The following MYBL1 variants were observed in gnomAD, a reference collection of about 807,000 sequenced individuals.
MYBL1 encodes the protein MYB proto-oncogene like 1.
A neutral mutation model predicts 96.3 loss-of-function variants in MYBL1; 17 were observed. The observed-to-expected ratio is 0.18, with a 90% CI of 0.12 to 0.26. The LOEUF (loss-of-function observed/expected upper bound fraction) is 0.26, where lower values mean the gene tolerates loss of function less well. Among genes scored for constraint, MYBL1 ranks in the 10% least tolerant of loss-of-function variants. The pLI is 1.00. For synonymous variants in MYBL1, 282 were observed against 292.7 expected (o/e 0.96, Z 0.37); for missense variants, 701 against 882.9 (o/e 0.79, Z 2.61).
chr8:66,569,741 C>T (rs1808656483), intron 12 of MYBL1, among the ~76,000 whole-genome samples: 1 of 152,190 alleles, frequency 6.6e-6, no homozygotes, highest in South Asian at 2.1e-4. Context: ...AGGGCTAAGA[C>T]AGATTAATTC....
chr8:66,564,975 A>G (rs1205713985), intron 15 of MYBL1, 150 bp from the exon 16 acceptor site: 10 of 464,134 alleles, frequency 2.2e-5, no homozygotes, highest in Non-Finnish European at 2.5e-5. Flanking sequence ...GTATTTTTTT[A>G]ATAATAATGT....
At chr8:66,571,991 A>C (rs1397902335) in intron 12 of MYBL1, among the ~76,000 whole-genome samples, 1 of 151,898 alleles carries the variant, frequency 6.6e-6, no homozygotes, top group Non-Finnish European at 1.5e-5. Context: ...TACAAGTTAA[A>C]GAAAAAGGTG....
At chr8:66,567,940 G>C (rs567212052) in intron 12 of MYBL1, among the ~76,000 whole-genome samples, 7 of 151,104 alleles carry the variant, frequency 4.6e-5, no homozygotes, top group African/African-American at 1.7e-4. Context: ...TGTGCACCCC[G>C]GGAGGCTGAG....
intron 12 of MYBL1, among the ~76,000 whole-genome samples, chr8:66,571,364 C>G (rs964442953): frequency 6.6e-6 from 1 of 152,162 alleles, no homozygotes; most frequent in East Asian, 1.9e-4. Context: ...TTAATTACAT[C>G]ATCTCTTTCA....
At chr8:66,574,524 G>C (rs1158358145) in intron 10 of MYBL1, among the ~76,000 whole-genome samples, 1 of 152,212 alleles carries the variant, frequency 6.6e-6, no homozygotes, top group African/African-American at 2.4e-5. Flanking sequence ...TGTTCTGCCA[G>C]ATCCTGCTTA....
At chr8:66,565,911 C>A (rs1220804005) in intron 15 of MYBL1, among the ~76,000 whole-genome samples, 153 bp downstream of exon 15, 1 of 152,006 alleles carries the variant, frequency 6.6e-6, no homozygotes, top group Non-Finnish European at 1.5e-5. Flanking sequence ...CGCTCAAACC[C>A]AAATGTGAGT....
chr8:66,583,866 C>A (rs1809310376), intron 8 of MYBL1, among the ~76,000 whole-genome samples: 1 of 152,144 alleles, frequency 6.6e-6, no homozygotes, highest in Non-Finnish European at 1.5e-5. Context: ...GGCTTCATTG[C>A]AGAATTCTAC....
intron 6 of MYBL1, among the ~76,000 whole-genome samples, chr8:66,595,258 A>G (rs1355757592): frequency 1.3e-5 from 2 of 152,180 alleles, no homozygotes; most frequent in African/African-American, 4.8e-5. Flanking sequence ...AAGCAATACT[A>G]TAATTACGCC....
In MYBL1 at chr8:66,612,925, T is replaced by C; in HGVS notation, c.-87A>G. On this transcript the variant is annotated 5_prime_UTR_variant, in exon 1 of 16. Coordinates refer to ENST00000522677, the MANE Select transcript of MYBL1 (RefSeq NM_001080416.4). ...GGCGAATGCTCCTTCTCCCCGATCC[T>C]CTAGCCGCTTCCCTCGCTCCCTCTG... is the stretch of plus-strand genomic sequence containing the variant. The C allele has an allele frequency of 7.8e-7, 1 of 1,285,272 alleles. No homozygotes were observed. The highest frequency in any genetic ancestry group is 1.0e-6 in the Non-Finnish European group (1 of 993,206). 79.6% of individuals were successfully genotyped at this position (1,285,272 alleles called of 1,614,324 possible). A position where few individuals can be genotyped will look rare whatever the true frequency, so the allele number is the denominator to read the frequency against.
At chr8:66,577,241 G>C (rs929240721) in intron 9 of MYBL1, among the ~76,000 whole-genome samples, 3 of 142,244 alleles carry the variant, frequency 2.1e-5, no homozygotes, top group African/African-American at 7.5e-5. Context: ...AATCAGGCAG[G>C]AGAAGGAAAT....
At position 66,573,369 on chromosome 8, in the gene MYBL1, A is replaced by G; in HGVS notation, c.1608T>C (p.Asn536=). ...ATTATTTAATACCTACTTACCCTAC[A>G]TTTTCCTTTTGATCTTTGGGAGTTG... ...KETTPKDQKE[N]VGFRTPTIRR... The change falls in exon 11 of 16, where the codon AAT becomes AAC. Residue 536 remains asparagine (N), a synonymous_variant. Coordinates refer to ENST00000522677, the MANE Select transcript of MYBL1 (RefSeq NM_001080416.4). The G allele has an allele frequency of 6.2e-7, 1 of 1,607,946 alleles. No individual in the cohort carries two copies. Among genetic ancestry groups the G allele is most frequent in the South Asian group, 1.1e-5 (1 of 89,332 alleles).
intron 10 of MYBL1, 121 bp from the exon 11 acceptor site, chr8:66,573,627 A>AATCCCAGCACT: frequency 1.1e-6 from 1 of 885,040 alleles, no homozygotes; most frequent in South Asian, 2.4e-5. Context: ...TATGAATAAT[A>AATCCCAGCACT]TTACACTTAT....
At chr8:66,598,905 C>G (rs1430693504) in intron 4 of MYBL1, 145 bp downstream of exon 4, 1 of 428,896 alleles carries the variant, frequency 2.3e-6, no homozygotes, top group Non-Finnish European at 3.9e-6. Flanking sequence ...TTTCCAGACA[C>G]TTAACATTCA....
chr8:66,576,445 G>T, intron 9 of MYBL1, 70 bp from the exon 10 acceptor site: 3 of 1,473,010 alleles, frequency 2.0e-6, no homozygotes, highest in Non-Finnish European at 9.1e-7. Flanking sequence ...AACACAGGAT[G>T]ATGATTTCCA....
chr8:66,568,811 G>C (rs1347495307), intron 12 of MYBL1, among the ~76,000 whole-genome samples: 1 of 151,880 alleles, frequency 6.6e-6, no homozygotes, highest in African/African-American at 2.4e-5. Flanking sequence ...CAGATCACGA[G>C]GTCAGGAGTT....
intron 8 of MYBL1, among the ~76,000 whole-genome samples, chr8:66,590,425 C>T (rs1809591806): frequency 6.6e-6 from 1 of 151,854 alleles, no homozygotes; most frequent in Non-Finnish European, 1.5e-5. Flanking sequence ...TCAAGACTAC[C>T]CTGGGGAATA....
intron 9 of MYBL1, among the ~76,000 whole-genome samples, chr8:66,578,579 C>G (rs1809066820): frequency 6.6e-6 from 1 of 151,594 alleles, no homozygotes; most frequent in Non-Finnish European, 1.5e-5. Flanking sequence ...AGTCAGGAAA[C>G]AACAGGTGCT....
chr8:66,566,832 T>G (rs761563009), intron 13 of MYBL1, 44 bp from the exon 14 acceptor site: 1 of 1,590,386 alleles, frequency 6.3e-7, no homozygotes, highest in African/African-American at 1.3e-5. Flanking sequence ...CAAAGTCTCT[T>G]GGATACAATA....
rs976653450 is a variant in MYBL1, at chr8:66,562,933, T to C, written c.*1764A>G. On this transcript the variant is annotated 3_prime_UTR_variant, in exon 16 of 16. Transcript: ENST00000522677. ...ATATATATATATAAATATATATATATATAAAATATGCAAAAACTAGCAAGT... is the reference window on the plus strand; with the variant it reads ...ATATATATATATAAATATATATATACATAAAATATGCAAAAACTAGCAAGT... The C allele has an allele frequency of 6.7e-6, 1 of 148,748 alleles. No individual in the cohort carries two copies. Among genetic ancestry groups the C allele is most frequent in the African/African-American group, 2.4e-5 (1 of 40,902 alleles). 9.2% of individuals were successfully genotyped at this position (148,748 alleles called of 1,614,324 possible).
Sources: allele counts gnomAD v4.1 joint callset (sites outside exome capture counted in the v4.1 genomes callset), GRCh38; gene constraint gnomAD v4.1.1; transcripts MANE v1.5; gene names NCBI Gene and HGNC (gene_info 2026-07-23, HGNC 2026-07-21).